LRRTM3: variants seen among roughly 807,000 people sequenced by gnomAD.
LRRTM3 encodes leucine-rich repeat transmembrane neuronal protein 3.
A neutral mutation model predicts 44.7 loss-of-function variants in LRRTM3; 24 were observed. The observed-to-expected ratio is 0.54, with a 90% confidence interval of 0.39 to 0.76. LRRTM3 has a LOEUF of 0.76. LRRTM3 is among the 30% of genes least tolerant of loss of function. LRRTM3 has a pLI of 0.00. For synonymous variants in LRRTM3, 277 were observed against 278.7 expected, an observed-to-expected ratio of 0.99 and a Z score of 0.06; for missense variants, 587 against 702.2, an observed-to-expected ratio of 0.84 and a Z score of 1.85.
intron 2 of LRRTM3, among the ~76,000 whole-genome samples, chr10:66,983,490 A>G (rs1417236331): frequency 6.6e-6 from 1 of 152,176 alleles, no homozygotes; most frequent in African/African-American, 2.4e-5. Flanking sequence ...ATACAGAAGG[A>G]CTGCATTTGT....
In LRRTM3 at chr10:67,100,235, G is replaced by C. The variant is rs186632378; in HGVS notation, c.*2439G>C. Among the ~76,000 whole-genome samples, 1 of 151,576 alleles carries C rather than the reference G, an allele frequency of 6.6e-6. No individual in the cohort carries two copies. The highest frequency in any genetic ancestry group is 1.5e-5 in the Non-Finnish European group (1 of 67,744). On this transcript the variant is annotated 3_prime_UTR_variant, in exon 3 of 3. Transcript: ENST00000361320. ...TATTTTAAATTCATCTAAAGTGAAC[G>C]ACTATAAATAGAAGCAATCACCTTG...
chr10:67,010,251 G>A (rs556076683), intron 2 of LRRTM3, among the ~76,000 whole-genome samples: 7 of 152,252 alleles, frequency 4.6e-5, no homozygotes, highest in African/African-American at 1.4e-4. Context: ...CAACTAACAT[G>A]TCTCATAATT....
At chr10:66,997,059 G>A (rs1208790692) in intron 2 of LRRTM3, among the ~76,000 whole-genome samples, 1 of 152,148 alleles carries the variant, frequency 6.6e-6, no homozygotes, top group East Asian at 1.9e-4. Context: ...TACTAACAGA[G>A]AGTCAAACAG....
At chr10:66,991,588 G>T (rs968153795) in intron 2 of LRRTM3, among the ~76,000 whole-genome samples, 1 of 152,116 alleles carries the variant, frequency 6.6e-6, no homozygotes, top group Non-Finnish European at 1.5e-5. Context: ...TTTCGCTCTT[G>T]TTGCCCAGGC....
intron 2 of LRRTM3, among the ~76,000 whole-genome samples, chr10:67,044,808 C>A (rs1241442629): frequency 1.3e-5 from 2 of 152,102 alleles, no homozygotes; most frequent in Non-Finnish European, 2.9e-5. Flanking sequence ...GTCTTTGGAG[C>A]CAAGAAAAAA....
At chr10:67,045,714 G>A (rs780526715) in intron 2 of LRRTM3, among the ~76,000 whole-genome samples, 22 of 152,096 alleles carry the variant, frequency 1.4e-4, no homozygotes, top group Admixed American at 2.0e-4. Flanking sequence ...GCGGGGGACC[G>A]ACATCCGAGA....
chr10:66,996,881 C>G (rs1200471975), intron 2 of LRRTM3, among the ~76,000 whole-genome samples: 2 of 152,042 alleles, frequency 1.3e-5, no homozygotes, highest in African/African-American at 4.8e-5. Context: ...AAATGTTCAG[C>G]AATTATCCAC....
chr10:67,072,292 A>T (rs1439348209), intron 2 of LRRTM3, among the ~76,000 whole-genome samples: 1 of 152,058 alleles, frequency 6.6e-6, no homozygotes, highest in East Asian at 1.9e-4. Flanking sequence ...TCTCCAATCG[A>T]ATTTTCTTTT....
chr10:66,931,085 T>G (rs1168748903), intron 2 of LRRTM3, among the ~76,000 whole-genome samples: 2 of 151,966 alleles, frequency 1.3e-5, no homozygotes, highest in Non-Finnish European at 2.9e-5. Flanking sequence ...TAAATCTATT[T>G]GTATAAGTAT....
In LRRTM3 at chr10:67,101,143, C is replaced by T. The variant is rs1858313198; in HGVS notation, c.*3347C>T. Among the ~76,000 whole-genome samples the T allele has an allele frequency of 6.6e-6, 1 of 151,632 alleles. No individual in the cohort carries two copies. The highest frequency in any genetic ancestry group is 1.5e-5 in the Non-Finnish European group (1 of 67,756). On this transcript the variant is annotated 3_prime_UTR_variant, in exon 3 of 3. Coordinates refer to ENST00000361320, the MANE Select transcript of LRRTM3 (RefSeq NM_178011.5). ...ACATACAAGTTCGTTTGTGAATGTG[C>T]AGAACAGATGCTCCCAAGATGTGGA... is the stretch of plus-strand genomic sequence containing the variant.
chr10:66,926,643 T>C, intron 1 of LRRTM3, 56 bp downstream of exon 1: 1 of 1,573,314 alleles, frequency 6.4e-7, no homozygotes, highest in Non-Finnish European at 8.7e-7. Context: ...AAAAAACCTC[T>C]AGTGTGTGTA....
chr10:67,096,074 GA>G lies in LRRTM3; in HGVS notation c.1537-1511del, dbSNP rs756258692. On this transcript the variant is annotated intron_variant, in intron 2 of 2. Transcript: ENST00000361320. ...AAATCTTAAAAATCCACATAAATAG[GA>G]AGAGTTACTCTGGAATTTTCATTTA... 9.9e-4 allele frequency among the ~76,000 whole-genome samples: 151 copies of G among 151,792 alleles called. No homozygotes were observed. The Middle Eastern group carries it at 0.02, about 21-fold the overall frequency.
At chr10:66,962,399 G>GT (rs1358916831) in intron 2 of LRRTM3, among the ~76,000 whole-genome samples, 1 of 147,260 alleles carries the variant, frequency 6.8e-6, no homozygotes, top group African/African-American at 2.5e-5. Context: ...TTTTTGTTTT[G>GT]TTTTTTGTTT....
At chr10:66,980,484 A>T (rs1850356839) in intron 2 of LRRTM3, among the ~76,000 whole-genome samples, 1 of 130,714 alleles carries the variant, frequency 7.7e-6, no homozygotes, top group East Asian at 1.9e-4. Flanking sequence ...ATTGAACAGG[A>T]ACCAAAACTA....
At chr10:67,060,543 CA>C (rs1478226449) in intron 2 of LRRTM3, among the ~76,000 whole-genome samples, 1 of 152,204 alleles carries the variant, frequency 6.6e-6, no homozygotes, top group Non-Finnish European at 1.5e-5. Flanking sequence ...TGCAGTTAGG[CA>C]GCACCAGATA....
intron 2 of LRRTM3, among the ~76,000 whole-genome samples, chr10:66,975,258 A>C (rs1849965270): frequency 6.6e-6 from 1 of 152,206 alleles, no homozygotes; most frequent in Admixed American, 6.5e-5. Context: ...TTTTCTAATA[A>C]AGGTATTCAC....
At chr10:66,998,367 G>A (rs1851476383) in intron 2 of LRRTM3, among the ~76,000 whole-genome samples, 1 of 152,124 alleles carries the variant, frequency 6.6e-6, no homozygotes, top group South Asian at 2.1e-4. Flanking sequence ...AAGAAGCATA[G>A]TTAATGTAAA....
chr10:67,088,154 G>A (rs981840937), intron 2 of LRRTM3, among the ~76,000 whole-genome samples: 3 of 151,336 alleles, frequency 2.0e-5, no homozygotes, highest in Non-Finnish European at 2.9e-5. Flanking sequence ...GATAAGAAAT[G>A]CTTTTCCTAC....
chr10:67,092,534 C>A (rs971363110), intron 2 of LRRTM3, among the ~76,000 whole-genome samples: 3 of 151,774 alleles, frequency 2.0e-5, no homozygotes, highest in African/African-American at 7.3e-5. Flanking sequence ...TATGAATGTT[C>A]ATATATATAC....
Sources: allele counts gnomAD v4.1 joint callset (sites outside exome capture counted in the v4.1 genomes callset), GRCh38; gene constraint gnomAD v4.1.1; transcripts MANE v1.5; gene names NCBI Gene and HGNC (gene_info 2026-07-23, HGNC 2026-07-21).